The following PGM1 variants were observed in gnomAD, a reference collection of about 807,000 sequenced individuals.
PGM1 encodes the protein phosphoglucomutase-1.
A neutral mutation model predicts 55.6 loss-of-function variants in PGM1; 52 were observed. The observed-to-expected ratio is 0.94, with a 90% CI of 0.75 to 1.18. PGM1 has a LOEUF of 1.18. PGM1 is among the 50% of genes most tolerant of loss of function. PGM1 has a pLI of 0.00. For synonymous variants in PGM1, 287 were observed against 271.7 expected (o/e 1.06, Z -0.55); for missense variants, 724 against 729.3 (o/e 0.99, Z 0.08).
At chr1:63,629,345 C>T in intron 1 of PGM1, 80 bp from the exon 2 acceptor site, 1 of 1,170,580 alleles carries the variant, frequency 8.5e-7, no homozygotes, top group Non-Finnish European at 1.3e-6. Context: ...GTCCATCTGC[C>T]TGTTGTCTTG....
At position 63,604,206 on chromosome 1, in the gene PGM1, T is replaced by G. The variant is rs1454245031; in HGVS notation, c.246+10472T>G. Among the ~76,000 whole-genome samples the G allele has an allele frequency of 2.0e-5, 3 of 152,182 alleles. No individual in the cohort carries two copies. In the East Asian group the frequency reaches 5.8e-4, roughly 29 times the overall value. On this transcript the variant is annotated intron_variant, in intron 1 of 10. Coordinates refer to ENST00000371084, the MANE Select transcript of PGM1 (RefSeq NM_002633.3). ...GTACACCACGTAGCCTATAAGGAAT[T>G]TTTACGATTTTATAGGTTCAATCAG...
At chr1:63,644,092 A>G (rs1570508680) in intron 7 of PGM1, among the ~76,000 whole-genome samples, 1 of 152,180 alleles carries the variant, frequency 6.6e-6, no homozygotes, top group African/African-American at 2.4e-5. Context: ...ATGTAACCCA[A>G]TCCCTAAACT....
At chr1:63,654,599 T>C (rs187572820) in intron 10 of PGM1, 133 bp downstream of exon 10, 1 of 819,546 alleles carries the variant, frequency 1.2e-6, no homozygotes, top group Non-Finnish European at 2.0e-6. Flanking sequence ...TTCTTCCATG[T>C]TTCTTTCTCC....
At chr1:63,649,478 T>C (rs1649747381) in intron 8 of PGM1, among the ~76,000 whole-genome samples, 1 of 152,152 alleles carries the variant, frequency 6.6e-6, no homozygotes, top group Non-Finnish European at 1.5e-5. Context: ...AGAGAAAATA[T>C]GGTAAAAAGG....
intron 1 of PGM1, among the ~76,000 whole-genome samples, chr1:63,622,692 G>A (rs1172755759): frequency 6.6e-6 from 1 of 152,114 alleles, no homozygotes; most frequent in Admixed American, 6.5e-5. Flanking sequence ...GTTATTCAGG[G>A]CAACTTTGGA....
At chr1:63,618,318 C>G (rs1033914754) in intron 1 of PGM1, among the ~76,000 whole-genome samples, 7 of 152,100 alleles carry the variant, frequency 4.6e-5, no homozygotes, top group African/African-American at 1.7e-4. Flanking sequence ...TAATACAGTC[C>G]AAGTTTTCTG....
intron 9 of PGM1, among the ~76,000 whole-genome samples, chr1:63,653,175 T>G (rs1649867290): frequency 6.6e-6 from 1 of 152,182 alleles, no homozygotes; most frequent in African/African-American, 2.4e-5. Flanking sequence ...TGCCCCACTT[T>G]CTGTAATCAG....
At chr1:63,593,793 C>T (rs910981181) in intron 1 of PGM1, 59 bp downstream of exon 1, 26 of 1,491,324 alleles carry the variant, frequency 1.7e-5, no homozygotes, top group South Asian at 1.7e-4. Flanking sequence ...ACGTGCGGCC[C>T]GCGGCGCCCT....
chr1:63,634,102 G>C (rs1305921133), intron 4 of PGM1, among the ~76,000 whole-genome samples: 4 of 150,812 alleles, frequency 2.7e-5, no homozygotes, highest in Non-Finnish European at 5.9e-5. Context: ...TTTTTAATCA[G>C]TTTGTCAGCT....
chr1:63,608,602 T>A (rs1648488258), intron 1 of PGM1, among the ~76,000 whole-genome samples: 1 of 152,028 alleles, frequency 6.6e-6, no homozygotes, highest in Non-Finnish European at 1.5e-5. Context: ...ACCACCTCCA[T>A]GGGGACTTTG....
chr1:63,611,009 C>T (rs184134178), intron 1 of PGM1, among the ~76,000 whole-genome samples: 7 of 152,202 alleles, frequency 4.6e-5, no homozygotes, highest in East Asian at 3.9e-4. Context: ...CAGAAATCTC[C>T]GTGAATAAGA....
chr1:63,654,288 T>A (rs764569467), intron 9 of PGM1, 44 bp from the exon 10 acceptor site: 29 of 1,608,316 alleles, frequency 1.8e-5, no homozygotes, highest in Non-Finnish European at 1.7e-6. Context: ...CAGCCTTCAG[T>A]CTCCCAGCAT....
chr1:63,639,469 C>A (rs1365154104), intron 7 of PGM1, among the ~76,000 whole-genome samples: 1 of 151,856 alleles, frequency 6.6e-6, no homozygotes, highest in Non-Finnish European at 1.5e-5. Flanking sequence ...CAAATATTGA[C>A]CCGAACTCCC....
intron 8 of PGM1, 83 bp downstream of exon 8, chr1:63,648,735 C>A: frequency 7.0e-7 from 1 of 1,437,740 alleles, no homozygotes; most frequent in Non-Finnish European, 9.7e-7. Flanking sequence ...CCTCTCCTGT[C>A]TTAAGTGCTA....
Position 63,593,609 on chromosome 1 carries a change from C to T in PGM1, c.121C>T (p.Gln41Ter). 1 of 1,613,354 alleles carries T rather than the reference C, an allele frequency of 6.2e-7. No homozygotes were observed. Among genetic ancestry groups the T allele is most frequent in the Non-Finnish European group, 8.5e-7 (1 of 1,179,810 alleles). Residue 41 changes from glutamine (Q) to a stop codon, truncating the protein, a stop_gained, in exon 1 of 11, where the codon CAG (glutamine) becomes TAG (stop). Coordinates refer to ENST00000371084, the MANE Select transcript of PGM1 (RefSeq NM_002633.3). LOFTEE classifies it high-confidence loss of function. Reference sequence around the variant, plus strand: ...CGCCAACTACGCGGAGAACTTCATCCAGAGTATCATCTCCACCGTGGAGCC... The same window carrying T: ...CGCCAACTACGCGGAGAACTTCATCTAGAGTATCATCTCCACCGTGGAGCC... Reference protein sequence around the residue: ...SSANYAENFIQSIISTVEPAQ... With the variant: ...SSANYAENFI
chr1:63,597,326 A>G (rs1399535149), intron 1 of PGM1, among the ~76,000 whole-genome samples: 1 of 152,220 alleles, frequency 6.6e-6, no homozygotes, highest in Non-Finnish European at 1.5e-5. Flanking sequence ...ACAAATTTCT[A>G]GTCCTTTTTT....
chr1:63,658,608 C>T (rs2749101), intron 10 of PGM1, among the ~76,000 whole-genome samples: 2,442 of 151,904 alleles, frequency 0.016, 68 homozygotes, highest in African/African-American at 0.056. Flanking sequence ...CAAAATTAGC[C>T]GGGCGTGGTG....
At chr1:63,647,775 G>C (rs1044376355) in intron 7 of PGM1, among the ~76,000 whole-genome samples, 1 of 152,114 alleles carries the variant, frequency 6.6e-6, no homozygotes, top group Admixed American at 6.5e-5. Context: ...ATGCACTCTT[G>C]TTCTATTAAG....
Position 63,659,671 on chromosome 1 carries a change from C to T in PGM1, c.1685C>T (p.Thr562Ile). 1.2e-6 allele frequency: 2 copies of T among 1,609,620 alleles called. No homozygotes were observed. The highest frequency in any genetic ancestry group is 1.7e-6 in the Non-Finnish European group (2 of 1,175,912). ...GGACGCACTGCACCCACTGTCATCA[C>T]CTAAGAAGACAGGCCTGATGTGGTA... ...RTGRTAPTVIT is the reference protein window; with the variant it reads ...RTGRTAPTVII Residue 562 changes from threonine to isoleucine, a missense_variant, in exon 11 of 11, where the codon ACC becomes ATC. Thr to Ile is a moderately conservative substitution (Grantham distance 89). Transcript: ENST00000371084.
Sources: allele counts gnomAD v4.1 joint callset (sites outside exome capture counted in the v4.1 genomes callset), GRCh38; gene constraint gnomAD v4.1.1; transcripts MANE v1.5; gene names NCBI Gene and HGNC (gene_info 2026-07-23, HGNC 2026-07-21).